RNLS: variants seen among roughly 807,000 people sequenced by gnomAD.
The protein encoded by RNLS is renalase, FAD dependent amine oxidase.
In RNLS, 39 loss-of-function variants were observed where a neutral mutation model predicts 39.8. The observed-to-expected ratio is 0.98, with a 90% CI of 0.76 to 1.28. The LOEUF is 1.28. RNLS is among the 50% of genes most tolerant of loss of function. RNLS has a pLI of 0.00. For missense variants in RNLS, 410 were observed against 413.3 expected (o/e 0.99, Z 0.07); for synonymous variants, 147 against 150.7 (o/e 0.98, Z 0.18).
Position 88,581,548 on chromosome 10 carries a change from G to A in RNLS, c.367+19C>T. 3 of 1,578,482 alleles carry A rather than the reference G, an allele frequency of 1.9e-6. No homozygotes were observed. Among genetic ancestry groups the A allele is most frequent in the East Asian group, 2.3e-5 (1 of 43,448 alleles). ...AAATGCTAATTTTAAAATTTAGGCA[G>A]AGAAAATCTTACTCCCACCTGATTC... On this transcript the variant is annotated intron_variant, in intron 3 of 6. Coordinates refer to ENST00000331772, the MANE Select transcript of RNLS (RefSeq NM_001031709.3).
the RNLS span, among the ~76,000 whole-genome samples, chr10:88,264,613 G>C: frequency 6.6e-6 from 1 of 152,050 alleles, no homozygotes. Flanking sequence ...TTCATATGTT[G>C]GTTGCCCATT....
At chr10:88,340,847 G>A (rs1847882255) in intron 5 of RNLS, among the ~76,000 whole-genome samples, 1 of 151,654 alleles carries the variant, frequency 6.6e-6, no homozygotes, top group South Asian at 2.1e-4. Context: ...AGATCACGAG[G>A]TCAGGAGTTC....
chr10:88,503,707 G>A (rs767731188), intron 4 of RNLS, among the ~76,000 whole-genome samples: 12 of 152,168 alleles, frequency 7.9e-5, no homozygotes, highest in Non-Finnish European at 1.8e-4. Flanking sequence ...AGACAATGTG[G>A]TAGTTTTCAA....
intron 5 of RNLS, among the ~76,000 whole-genome samples, chr10:88,331,561 C>T (rs573430949): frequency 6.6e-6 from 1 of 152,218 alleles, no homozygotes; most frequent in Non-Finnish European, 1.5e-5. Flanking sequence ...ATCCACTAAA[C>T]GGTATACTAT....
intron 6 of RNLS, among the ~76,000 whole-genome samples, chr10:88,300,061 T>C (rs1024168457): frequency 1.3e-4 from 20 of 152,078 alleles, no homozygotes; most frequent in Non-Finnish European, 2.6e-4. Context: ...TGCAGTGAAG[T>C]GAGGTGTTTA....
At chr10:88,391,951 G>GC (rs1180330073) in intron 4 of RNLS, among the ~76,000 whole-genome samples, 1 of 152,214 alleles carries the variant, frequency 6.6e-6, no homozygotes, top group African/African-American at 2.4e-5. Context: ...CAGTCTGGCA[G>GC]CCCCCGGAGG....
At chr10:88,225,254 G>A in the RNLS span, among the ~76,000 whole-genome samples, 9 of 152,284 alleles carry the variant, frequency 5.9e-5, no homozygotes, top group Middle Eastern at 3.4e-3. Flanking sequence ...AGTGTTTTAC[G>A]CTTTAGATTC....
rs1850017589 is a variant in RNLS, at chr10:88,574,078, T to A, written c.368-1017A>T. Among the ~76,000 whole-genome samples the A allele has an allele frequency of 2.6e-5, 4 of 152,138 alleles. No homozygotes were observed. The South Asian group carries it at 8.3e-4, about 32-fold the overall frequency. On this transcript the variant is annotated intron_variant, in intron 3 of 6. Coordinates refer to ENST00000331772, the MANE Select transcript of RNLS (RefSeq NM_001031709.3). Reference sequence around the variant, plus strand: ...ATCGCTTGAACTCGGGAGGCAGAGGTTGCAGTGAGCTGAAATCGCACCACT... The same window carrying A: ...ATCGCTTGAACTCGGGAGGCAGAGGATGCAGTGAGCTGAAATCGCACCACT...
At chr10:88,467,571 AC>A (rs1361800118) in intron 4 of RNLS, among the ~76,000 whole-genome samples, 5 of 152,090 alleles carry the variant, frequency 3.3e-5, no homozygotes, top group African/African-American at 1.2e-4. Context: ...TTAGCTTGTG[AC>A]CTAACTAAGA....
intron 4 of RNLS, among the ~76,000 whole-genome samples, chr10:88,374,694 G>A (rs975019519): frequency 6.6e-6 from 1 of 152,072 alleles, no homozygotes; most frequent in Admixed American, 6.6e-5. Context: ...GGTCTTCTCA[G>A]GGACATTAAA....
intron 4 of RNLS, among the ~76,000 whole-genome samples, chr10:88,393,455 C>G (rs1408203452): frequency 1.3e-5 from 2 of 151,872 alleles, no homozygotes; most frequent in African/African-American, 2.4e-5. Flanking sequence ...GCTTCAAAGA[C>G]AATAAAATAC....
At chr10:88,269,277 T>G (rs935660534), downstream of RNLS, among the ~76,000 whole-genome samples, 7 of 152,190 alleles carry the variant, frequency 4.6e-5, no homozygotes, top group African/African-American at 1.7e-4. Flanking sequence ...GGATATGAAC[T>G]GATACTTCTC....
intron 4 of RNLS, among the ~76,000 whole-genome samples, chr10:88,400,958 AT>A (rs1817003921): frequency 6.6e-6 from 1 of 151,906 alleles, no homozygotes; most frequent in Non-Finnish European, 1.5e-5. Context: ...TTTCCTAGAT[AT>A]TATAATTTTT....
At chr10:88,250,721 C>T in the RNLS span, among the ~76,000 whole-genome samples, 7 of 152,274 alleles carry the variant, frequency 4.6e-5, no homozygotes, top group Admixed American at 1.3e-4. Context: ...CCAAATATAA[C>T]CAAAGGCCGG....
chr10:88,444,623 T>C (rs1221674768), intron 4 of RNLS, among the ~76,000 whole-genome samples: 1 of 152,056 alleles, frequency 6.6e-6, no homozygotes, highest in African/African-American at 2.4e-5. Context: ...GAGAAGTCCT[T>C]AAATGACCTG....
chr10:88,547,699 T>C (rs1157840181), intron 4 of RNLS, among the ~76,000 whole-genome samples: 2 of 152,152 alleles, frequency 1.3e-5, no homozygotes, highest in Non-Finnish European at 2.9e-5. Context: ...GTTTTAGTGA[T>C]CTGTTGCATT....
intron 3 of RNLS, among the ~76,000 whole-genome samples, chr10:88,578,550 A>G (rs1850341886): frequency 6.6e-6 from 1 of 152,120 alleles, no homozygotes; most frequent in Non-Finnish European, 1.5e-5. Context: ...GAGAATCTCG[A>G]AGTATTACAA....
chr10:88,253,232 TG>T, the RNLS span, among the ~76,000 whole-genome samples: 1 of 152,176 alleles, frequency 6.6e-6, no homozygotes, highest in African/African-American at 2.4e-5. Context: ...GGTCTGTCTC[TG>T]GGGTAGGAGT....
intron 4 of RNLS, among the ~76,000 whole-genome samples, chr10:88,500,997 A>ATG (rs1385775150): frequency 1.4e-5 from 2 of 144,018 alleles, no homozygotes; most frequent in Non-Finnish European, 3.1e-5. Flanking sequence ...ATGTATATAT[A>ATG]TGTGTGTGTG....
Sources: gnomAD v4.1 joint callset for allele counts (sites outside exome capture counted in the v4.1 genomes callset) on GRCh38, gnomAD v4.1.1 for gene constraint, MANE v1.5 for transcripts, NCBI Gene and HGNC (gene_info 2026-07-23, HGNC 2026-07-21) for gene names.